The following RBM47 variants were observed in gnomAD, a reference collection of about 807,000 sequenced individuals.
The protein encoded by RBM47 is RNA binding motif protein 47.
A neutral mutation model predicts 47.1 loss-of-function variants in RBM47; 21 were observed. That is an observed-to-expected ratio of 0.45 (90% CI 0.32 to 0.64). RBM47 has a LOEUF of 0.64. Among genes scored for constraint, RBM47 ranks in the 30% least tolerant of loss-of-function variants. The probability of loss-of-function intolerance (pLI) is 0.05; values close to 1 mark genes in which losing one functional copy is unlikely to be tolerated. For synonymous variants in RBM47, 375 were observed against 361.7 expected, an observed-to-expected ratio of 1.04 and a Z score of -0.42; for missense variants, 708 against 870.9, an observed-to-expected ratio of 0.81 and a Z score of 2.35.
intron 1 of RBM47, among the ~76,000 whole-genome samples, chr4:40,590,889 G>A (rs754944477): frequency 2.6e-5 from 4 of 152,244 alleles, no homozygotes; most frequent in South Asian, 2.1e-4. Context: ...TGCAATCTCC[G>A]CCTCCCAGGT....
At chr4:40,604,107 C>T (rs35299994) in intron 1 of RBM47, among the ~76,000 whole-genome samples, 4,384 of 152,322 alleles carry the variant, frequency 0.029, 86 homozygotes, top group Non-Finnish European at 0.047. Context: ...TGGCCCTAAC[C>T]AACCATTTAT....
chr4:40,441,125 T>C (rs936290231), intron 3 of RBM47, among the ~76,000 whole-genome samples: 3 of 151,916 alleles, frequency 2.0e-5, no homozygotes, highest in Admixed American at 6.6e-5. Context: ...TTTCTTTTTT[T>C]AAAAATAGAG....
At chr4:40,600,559 G>A (rs192176107) in intron 1 of RBM47, among the ~76,000 whole-genome samples, 3,802 of 151,256 alleles carry the variant, frequency 0.025, 65 homozygotes, top group Non-Finnish European at 0.041. Flanking sequence ...GCGTGAACCC[G>A]GGAGGCGGAG....
chr4:40,454,951 T>TAAC (rs1716011906), intron 3 of RBM47, among the ~76,000 whole-genome samples: 1 of 151,568 alleles, frequency 6.6e-6, no homozygotes. Flanking sequence ...GGTTTAGCAA[T>TAAC]AGCCAGTGTT....
chr4:40,553,590 C>T (rs1325922904), intron 1 of RBM47, among the ~76,000 whole-genome samples: 4 of 152,162 alleles, frequency 2.6e-5, no homozygotes, highest in African/African-American at 9.7e-5. Flanking sequence ...AGCCACTACG[C>T]CCAGCCAATT....
chr4:40,529,513 C>CA (rs1727142785), intron 2 of RBM47, among the ~76,000 whole-genome samples: 1 of 17,388 alleles, frequency 5.8e-5, no homozygotes, highest in African/African-American at 3.1e-4. Flanking sequence ...GAGACTCTGT[C>CA]ACAAAAAAAA....
At chr4:40,614,727 A>C (rs1303505897) in intron 1 of RBM47, among the ~76,000 whole-genome samples, 1 of 152,060 alleles carries the variant, frequency 6.6e-6, no homozygotes, top group Non-Finnish European at 1.5e-5. Context: ...GCTACTGAGG[A>C]GGCTAAGATG....
intron 6 of RBM47, 112 bp downstream of exon 6, chr4:40,432,539 G>C (rs1051371940): frequency 3.5e-5 from 54 of 1,527,282 alleles, no homozygotes; most frequent in Non-Finnish European, 4.6e-5. Flanking sequence ...CCCAACCATA[G>C]CTGTAACAGA....
intron 3 of RBM47, among the ~76,000 whole-genome samples, chr4:40,446,738 CAAAAA>C (rs34186378): frequency 4.8e-4 from 37 of 76,304 alleles, no homozygotes; most frequent in Admixed American, 3.3e-4. Flanking sequence ...GACCCAGTCT[CAAAAA>C]AAAAAAAAAA....
intron 1 of RBM47, among the ~76,000 whole-genome samples, chr4:40,553,953 C>A (rs1729820803): frequency 6.6e-6 from 1 of 152,120 alleles, no homozygotes; most frequent in Admixed American, 6.6e-5. Context: ...GCCAGCCAGC[C>A]CTTTTGTCCT....
At chr4:40,590,499 C>T (rs1368588139) in intron 1 of RBM47, among the ~76,000 whole-genome samples, 1 of 152,166 alleles carries the variant, frequency 6.6e-6, no homozygotes, top group Non-Finnish European at 1.5e-5. Flanking sequence ...TCTCTATTTG[C>T]AACCTCTCAT....
chr4:40,592,612 C>T (rs1182953842), intron 1 of RBM47, among the ~76,000 whole-genome samples: 3 of 151,014 alleles, frequency 2.0e-5, no homozygotes, highest in South Asian at 2.1e-4. Context: ...TTAGTAGAGA[C>T]GGGGTTTCTC....
chr4:40,478,236 A>C (rs1037013443), intron 2 of RBM47, among the ~76,000 whole-genome samples: 22 of 151,752 alleles, frequency 1.4e-4, no homozygotes, highest in Non-Finnish European at 2.9e-4. Flanking sequence ...GCTGGTCTTG[A>C]ACTCCCGACC....
intron 1 of RBM47, among the ~76,000 whole-genome samples, chr4:40,571,105 A>C (rs994156880): frequency 8.6e-5 from 13 of 151,894 alleles, no homozygotes; most frequent in Admixed American, 7.2e-4. Flanking sequence ...AATCCCAACT[A>C]CTTGGGAGGT....
chr4:40,478,206 G>A (rs1294773605), intron 2 of RBM47, among the ~76,000 whole-genome samples: 4 of 151,888 alleles, frequency 2.6e-5, no homozygotes, highest in Non-Finnish European at 4.4e-5. Flanking sequence ...GTAGAGACGG[G>A]GTTTCACCAT....
At chr4:40,625,388 G>A (rs1049122808) in intron 1 of RBM47, among the ~76,000 whole-genome samples, 2 of 152,154 alleles carry the variant, frequency 1.3e-5, no homozygotes, top group African/African-American at 2.4e-5. Context: ...AGGTCTCAGT[G>A]CTCTGAAAGG....
chr4:40,453,744 G>A (rs949252205), intron 3 of RBM47, among the ~76,000 whole-genome samples: 15 of 152,214 alleles, frequency 9.9e-5, no homozygotes, highest in African/African-American at 3.1e-4. Context: ...ACAGAGCAGC[G>A]CTAAAAGAGA....
At chr4:40,569,425 T>TC (rs901277422) in intron 1 of RBM47, among the ~76,000 whole-genome samples, 1 of 151,470 alleles carries the variant, frequency 6.6e-6, no homozygotes, top group African/African-American at 2.4e-5. Flanking sequence ...TTTTTTTTTT[T>TC]TTGAGACGGA....
chr4:40,439,012 A>C, intron 3 of RBM47, 88 bp from the exon 4 acceptor site: 2 of 1,167,378 alleles, frequency 1.7e-6, no homozygotes, highest in South Asian at 3.2e-5. Flanking sequence ...GTATGCATTA[A>C]TAGGCCACGG....
Sources: allele counts gnomAD v4.1 joint callset (sites outside exome capture counted in the v4.1 genomes callset), GRCh38; gene constraint gnomAD v4.1.1; transcripts MANE v1.5; gene names NCBI Gene and HGNC (gene_info 2026-07-23, HGNC 2026-07-21).